Variants in GNAO1 observed in about 807,000 individuals in gnomAD.
The protein encoded by GNAO1 is G protein subunit alpha o1, also known as guanine nucleotide-binding protein G(o) subunit alpha.
For missense variants in GNAO1, 166 were observed against 478.7 expected, an observed-to-expected ratio of 0.35 and a Z score of 6.10; for synonymous variants, 164 against 180.7, an observed-to-expected ratio of 0.91 and a Z score of 0.74.
chr16:56,220,551 G>A (rs1403915324), intron 2 of GNAO1, among the ~76,000 whole-genome samples: 1 of 151,838 alleles, frequency 6.6e-6, no homozygotes, highest in Non-Finnish European at 1.5e-5. Context: ...TTAGAAAAAT[G>A]CTCCTGCATT....
intron 2 of GNAO1, among the ~76,000 whole-genome samples, chr16:56,220,351 T>A (rs764474940): frequency 6.6e-6 from 1 of 152,192 alleles, no homozygotes; most frequent in Admixed American, 6.5e-5. Context: ...CTTTCAAAAA[T>A]TGTTCACTAG....
At position 56,313,211 on chromosome 16, in the gene GNAO1, A is replaced by G. The variant is rs192133055; in HGVS notation, c.304-15420A>G. On this transcript the variant is annotated intron_variant, in intron 3 of 8. Transcript: ENST00000262493. ...GCAGAACTTATGAAGATATTAGGGT[A>G]TGATGCTTGGGAAAGAATGCTCTTG... 2.5e-3 allele frequency among the ~76,000 whole-genome samples: 385 copies of G among 152,342 alleles called. 1 individual carries two copies. Among genetic ancestry groups the G allele is most frequent in the African/African-American group, 8.8e-3 (364 of 41,590 alleles).
Position 56,201,314 on chromosome 16 carries a change from T to G in GNAO1, c.161+8698T>G, listed in dbSNP as rs540214793. Among the ~76,000 whole-genome samples, 4 of 152,314 alleles carry G rather than the reference T, an allele frequency of 2.6e-5. No individual in the cohort carries two copies. The Middle Eastern group carries it at 0.01, about 389-fold the overall frequency. ...GGAATGCCAGGCAGAGGGACTGGCATGTGTAAAGGCATTAAGATGTCACCA... is the reference window on the plus strand; with the variant it reads ...GGAATGCCAGGCAGAGGGACTGGCAGGTGTAAAGGCATTAAGATGTCACCA... On this transcript the variant is annotated intron_variant, in intron 2 of 8. Coordinates refer to ENST00000262493, the MANE Select transcript of GNAO1 (RefSeq NM_020988.3).
At chr16:56,318,794 T>C (rs888287558) in intron 3 of GNAO1, among the ~76,000 whole-genome samples, 2 of 152,252 alleles carry the variant, frequency 1.3e-5, no homozygotes, top group Admixed American at 6.5e-5. Context: ...TTGTTGTTTG[T>C]GTCTGAGGCA....
chr16:56,253,271 C>T (rs1298688826), intron 2 of GNAO1, among the ~76,000 whole-genome samples: 13 of 152,204 alleles, frequency 8.5e-5, no homozygotes, highest in Non-Finnish European at 1.9e-4. Context: ...CTGATCGACT[C>T]CTCCTGCCAC....
At chr16:56,323,978 T>A (rs947724054) in intron 3 of GNAO1, among the ~76,000 whole-genome samples, 4 of 152,048 alleles carry the variant, frequency 2.6e-5, no homozygotes, top group Admixed American at 2.6e-4. Context: ...GTCTTTGAAT[T>A]TGAGCAGTTG....
In GNAO1 at chr16:56,275,924, T is replaced by C; in HGVS notation, c.162-7T>C. On this transcript the variant is annotated splice_polypyrimidine_tract_variant and splice_region_variant and intron_variant, in intron 2 of 8. Transcript: ENST00000262493. ...CATCAGGTGTGGTGTGTGTGGTTTT[T>C]CTCTAGGATCATCCATGAAGATGGC... 4 of 1,611,004 alleles carry C rather than the reference T, an allele frequency of 2.5e-6. No homozygotes were observed. Among genetic ancestry groups the C allele is most frequent in the Non-Finnish European group, 3.4e-6 (4 of 1,178,204 alleles).
At chr16:56,280,176 C>T (rs755564770) in intron 3 of GNAO1, among the ~76,000 whole-genome samples, 1 of 152,230 alleles carries the variant, frequency 6.6e-6, no homozygotes, top group Non-Finnish European at 1.5e-5. Context: ...GAAGATGGAG[C>T]TCACAGGCAG....
intron 3 of GNAO1, among the ~76,000 whole-genome samples, chr16:56,318,039 A>C (rs936374903): frequency 6.6e-6 from 1 of 152,108 alleles, no homozygotes; most frequent in African/African-American, 2.4e-5. Context: ...ACTGGTCACA[A>C]ATGTCTAACG....
At chr16:56,333,898 G>A (rs2037715752) in intron 4 of GNAO1, among the ~76,000 whole-genome samples, 1 of 152,194 alleles carries the variant, frequency 6.6e-6, no homozygotes, top group Non-Finnish European at 1.5e-5. Flanking sequence ...CTTCCTTCAG[G>A]CCTGGCCCAG....
chr16:56,307,486 T>A (rs1310294409), intron 3 of GNAO1: 1 of 152,208 alleles, frequency 6.6e-6, no homozygotes, highest in Non-Finnish European at 1.5e-5. Flanking sequence ...GACATAGATC[T>A]GGGCACATGC....
At chr16:56,257,181 G>C (rs2045922) in intron 2 of GNAO1, among the ~76,000 whole-genome samples, 4 of 152,070 alleles carry the variant, frequency 2.6e-5, no homozygotes, top group African/African-American at 7.2e-5. Flanking sequence ...GGTTTGGGGG[G>C]GGGAAATTAG....
chr16:56,303,269 C>T, intron 3 of GNAO1, among the ~76,000 whole-genome samples: 1 of 152,274 alleles, frequency 6.6e-6, no homozygotes, highest in East Asian at 1.9e-4. Context: ...CCAGAGGAAT[C>T]ACAGTCTTGT....
In GNAO1 at chr16:56,326,475, T is replaced by C. The variant is rs1250953860; in HGVS notation, c.304-2156T>C. Among the ~76,000 whole-genome samples the C allele has an allele frequency of 6.6e-6, 1 of 152,010 alleles. No homozygotes were observed. Among genetic ancestry groups the C allele is most frequent in the Non-Finnish European group, 1.5e-5 (1 of 67,974 alleles). On this transcript the variant is annotated intron_variant, in intron 3 of 8. Transcript: ENST00000262493. This position sits in a 1 kb window ranked among gnomAD's most constrained non-coding sequence, Gnocchi z 4.8. The stretch of plus-strand genomic sequence containing the variant: ...AGCTTATCTGAGAAAAGGATTTGGG[T>C]GAGACAAGGAGTTTATTTGGGAGGT...
chr16:56,237,433 G>A (rs2036648832), intron 2 of GNAO1, among the ~76,000 whole-genome samples: 1 of 152,142 alleles, frequency 6.6e-6, no homozygotes, highest in African/African-American at 2.4e-5. Flanking sequence ...GCCACAGGAT[G>A]CCTGTATCTG....
At chr16:56,215,447 A>G (rs2036429358) in intron 2 of GNAO1, among the ~76,000 whole-genome samples, 1 of 152,202 alleles carries the variant, frequency 6.6e-6, no homozygotes, top group African/African-American at 2.4e-5. Flanking sequence ...AATGAAGGGT[A>G]CCAGCCTGGC....
chr16:56,299,022 T>C (rs111380273), intron 3 of GNAO1, among the ~76,000 whole-genome samples: 10 of 152,174 alleles, frequency 6.6e-5, no homozygotes, highest in Non-Finnish European at 1.2e-4. Flanking sequence ...ATCTGGAGTT[T>C]GGGAAGGCTT....
intron 2 of GNAO1, among the ~76,000 whole-genome samples, chr16:56,252,261 T>C (rs192070754): frequency 6.6e-6 from 1 of 152,330 alleles, no homozygotes; most frequent in Non-Finnish European, 1.5e-5. Flanking sequence ...CAAGGTGGGA[T>C]GGCCCCTGTG....
intron 3 of GNAO1, among the ~76,000 whole-genome samples, chr16:56,313,423 T>C (rs758152989): frequency 1.3e-5 from 2 of 152,268 alleles, no homozygotes; most frequent in African/African-American, 4.8e-5. Flanking sequence ...TAAATAAAAT[T>C]TTTATGGAAA....
Sources: gnomAD v4.1 joint callset for allele counts (sites outside exome capture counted in the v4.1 genomes callset) on GRCh38, gnomAD v4.1.1 for gene constraint, Gnocchi (gnomAD v3.1) non-coding constraint, MANE v1.5 for transcripts, NCBI Gene and HGNC (gene_info 2026-07-23, HGNC 2026-07-21) for gene names.